DSCAM: variants seen among roughly 807,000 people sequenced by gnomAD.
DSCAM encodes the protein DS cell adhesion molecule.
Under a neutral mutation model 217.7 loss-of-function variants are expected in DSCAM, and 47 were observed. The ratio of observed to expected loss-of-function variants is 0.22; its 90% CI spans 0.17 to 0.28. DSCAM has a LOEUF of 0.28. Ranked by LOEUF, DSCAM falls within the 10% of genes least tolerant of loss-of-function variation. The probability of loss-of-function intolerance (pLI) is 1.00; values close to 1 mark genes in which losing one functional copy is unlikely to be tolerated. For missense variants in DSCAM, 2,080 were observed against 2,618.3 expected (o/e 0.79, Z 4.49); for synonymous variants, 1,056 against 1,015.3 (o/e 1.04, Z -0.76).
At chr21:40,147,272 T>G (rs2090368147) in intron 16 of DSCAM, among the ~76,000 whole-genome samples, 4 of 152,190 alleles carry the variant, frequency 2.6e-5, no homozygotes. Flanking sequence ...TCCACAAGAA[T>G]GAAGGGACCT....
chr21:40,218,839 T>C (rs1482361546), intron 11 of DSCAM, among the ~76,000 whole-genome samples: 1 of 152,226 alleles, frequency 6.6e-6, no homozygotes, highest in East Asian at 1.9e-4. Flanking sequence ...ATTGATTTTG[T>C]ATCCTGAAAC....
intron 3 of DSCAM, among the ~76,000 whole-genome samples, chr21:40,471,943 T>C (rs1973862): frequency 0.42 from 63,980 of 151,868 alleles, 14,444 homozygotes; most frequent in African/African-American, 0.59. Flanking sequence ...TTCCTCCCCG[T>C]TCTCCCCATC....
chr21:40,767,255 C>T (rs1817899330), intron 1 of DSCAM, among the ~76,000 whole-genome samples: 1 of 152,054 alleles, frequency 6.6e-6, no homozygotes, highest in Admixed American at 6.6e-5. Context: ...TTGCCTTCTT[C>T]AGGTAGTGGG....
At chr21:40,084,347 T>C (rs1232735141) in intron 23 of DSCAM, among the ~76,000 whole-genome samples, 3 of 152,198 alleles carry the variant, frequency 2.0e-5, no homozygotes, top group Non-Finnish European at 4.4e-5. Flanking sequence ...CATTTTACTA[T>C]GAATTTCAGC....
chr21:40,530,928 T>A (rs796138475), intron 3 of DSCAM, among the ~76,000 whole-genome samples: 1 of 110,958 alleles, frequency 9.0e-6, no homozygotes, highest in Non-Finnish European at 1.8e-5. Context: ...CAACCATCCA[T>A]CCATCCATCC....
intron 11 of DSCAM, among the ~76,000 whole-genome samples, chr21:40,275,582 T>A (rs923799229): frequency 6.6e-6 from 1 of 152,228 alleles, no homozygotes; most frequent in South Asian, 2.1e-4. Context: ...AGCGCCAGCA[T>A]TAAGCCTAGT....
At chr21:40,042,734 C>A in intron 31 of DSCAM, 61 bp from the exon 32 acceptor site, 1 of 1,486,698 alleles carries the variant, frequency 6.7e-7, no homozygotes, top group South Asian at 1.3e-5. Flanking sequence ...GAACCAACGG[C>A]ATGGCCCTTC....
intron 3 of DSCAM, among the ~76,000 whole-genome samples, chr21:40,395,809 T>C (rs2075173790): frequency 6.6e-6 from 1 of 152,234 alleles, no homozygotes; most frequent in Non-Finnish European, 1.5e-5. Context: ...TCTCAGGGAA[T>C]GGATTGGGGA....
chr21:40,782,003 A>AAAAG (rs1555888301), intron 1 of DSCAM, among the ~76,000 whole-genome samples: 4 of 149,346 alleles, frequency 2.7e-5, no homozygotes, highest in Admixed American at 2.7e-4. Context: ...AAAAAAAAAA[A>AAAAG]AAAAAAAGAA....
At chr21:40,630,789 G>C (rs1311194878) in intron 3 of DSCAM, 1 of 152,158 alleles carries the variant, frequency 6.6e-6, no homozygotes. Context: ...CAAAAACGCT[G>C]GAGAGAGTCT....
At chr21:40,219,288 T>C (rs2091269934) in intron 11 of DSCAM, among the ~76,000 whole-genome samples, 2 of 151,270 alleles carry the variant, frequency 1.3e-5, no homozygotes. Context: ...TTATTGATTG[T>C]GTATGTTGAA....
chr21:40,600,525 C>T (rs1222351800), intron 3 of DSCAM, among the ~76,000 whole-genome samples: 1 of 152,166 alleles, frequency 6.6e-6, no homozygotes, highest in African/African-American at 2.4e-5. Context: ...ACATCCAGAC[C>T]ATAGCACCAA....
intron 3 of DSCAM, among the ~76,000 whole-genome samples, chr21:40,629,804 G>A (rs2089663158): frequency 6.6e-6 from 1 of 152,118 alleles, no homozygotes; most frequent in Admixed American, 6.6e-5. Context: ...ATGAGAAAAG[G>A]AGACAAATCA....
intron 3 of DSCAM, among the ~76,000 whole-genome samples, chr21:40,414,138 T>A (rs1443093986): frequency 2.6e-5 from 4 of 152,074 alleles, no homozygotes; most frequent in Non-Finnish European, 5.9e-5. Context: ...ACAAGTTACA[T>A]CACAGCTGAA....
rs527258177 is a variant in DSCAM at position 40,812,569 on chromosome 21, G to A, written c.43+34050C>T. 2.0e-5 allele frequency among the ~76,000 whole-genome samples: 3 copies of A among 152,282 alleles called. No individual in the cohort carries two copies. The South Asian group carries it at 6.2e-4, about 32-fold the overall frequency. ...CACTCTCACGGTATGGCTATTTGTG[G>A]GCCACAGAGGGAGAAGATGGAACTT... On this transcript the variant is annotated intron_variant, in intron 1 of 32. Coordinates refer to ENST00000400454, the MANE Select transcript of DSCAM (RefSeq NM_001389.5).
chr21:40,638,428 T>C (rs1318962762), intron 3 of DSCAM, among the ~76,000 whole-genome samples: 24 of 152,228 alleles, frequency 1.6e-4, no homozygotes, highest in Non-Finnish European at 4.4e-5. Context: ...TAGAAGCAGA[T>C]GCAAGACTAT....
At chr21:40,244,267 A>G (rs546940114) in intron 11 of DSCAM, among the ~76,000 whole-genome samples, 55 of 152,292 alleles carry the variant, frequency 3.6e-4, no homozygotes, top group African/African-American at 1.2e-3. Context: ...ACTGGCCAAC[A>G]TGGAGAAACC....
At chr21:40,587,832 A>G (rs1368688245) in intron 3 of DSCAM, among the ~76,000 whole-genome samples, 3 of 152,184 alleles carry the variant, frequency 2.0e-5, no homozygotes, top group Non-Finnish European at 2.9e-5. Flanking sequence ...CCTTTTCATG[A>G]AATTTCAGCT....
At chr21:40,058,871 T>C (rs1464156350) in intron 28 of DSCAM, among the ~76,000 whole-genome samples, 14 of 152,222 alleles carry the variant, frequency 9.2e-5, no homozygotes, top group Non-Finnish European at 1.9e-4. Context: ...AAGCAAAAAT[T>C]GCATCTTTTT....
Sources: allele counts gnomAD v4.1 joint callset (sites outside exome capture counted in the v4.1 genomes callset), GRCh38; gene constraint gnomAD v4.1.1; transcripts MANE v1.5; gene names NCBI Gene and HGNC (gene_info 2026-07-23, HGNC 2026-07-21).